Variants in FAM227A observed in about 807,000 individuals in gnomAD.
FAM227A encodes the protein family with sequence similarity 227 member A.
In FAM227A, 80 loss-of-function variants were observed where a neutral mutation model predicts 74.7. That is an observed-to-expected ratio of 1.07 (90% CI 0.89 to 1.29). The LOEUF is 1.29. FAM227A is among the 50% of genes most tolerant of loss of function. FAM227A has a pLI of 0.00. For synonymous variants in FAM227A, 237 were observed against 241.8 expected (o/e 0.98, Z 0.19); for missense variants, 654 against 683.4 (o/e 0.96, Z 0.48).
At chr22:38,652,164 A>G (rs901918090) in intron 1 of FAM227A, among the ~76,000 whole-genome samples, 11 of 151,516 alleles carry the variant, frequency 7.3e-5, no homozygotes, top group Middle Eastern at 3.4e-3. Context: ...CCAGCCTGAA[A>G]GACAGAGTAA....
intron 12 of FAM227A, 50 bp downstream of exon 12, chr22:38,607,339 A>C: frequency 7.3e-7 from 1 of 1,378,610 alleles, no homozygotes; most frequent in Non-Finnish European, 1.0e-6. Flanking sequence ...GGTTTTGGAG[A>C]CAATAACTAA....
intron 11 of FAM227A, among the ~76,000 whole-genome samples, chr22:38,613,107 A>ATATATAAT: frequency 1.1e-5 from 1 of 91,900 alleles, no homozygotes; most frequent in South Asian, 2.6e-4. Context: ...ATATATAATT[A>ATATATAAT]TATATATATT....
In FAM227A at chr22:38,580,165, C is replaced by A. The variant is rs1224579912; in HGVS notation, c.*5960G>T. On this transcript the variant is annotated 3_prime_UTR_variant, in exon 17 of 17. Coordinates refer to ENST00000535113, the MANE Select transcript of FAM227A (RefSeq NM_001013647.2). The stretch of plus-strand genomic sequence containing the variant: ...CACCTCCTGGGCTCTAGGGGTTCTT[C>A]CACCTTGGCCTCCTAAAGTGCTGGG... 3 of 152,280 alleles carry A rather than the reference C, an allele frequency of 2.0e-5. No homozygotes were observed. The highest frequency in any genetic ancestry group is 7.2e-5 in the African/African-American group (3 of 41,472). The allele number at this position is 152,280 out of a possible 1,614,324, so 9.4% of individuals were successfully genotyped here.
intron 11 of FAM227A, among the ~76,000 whole-genome samples, chr22:38,612,127 C>T (rs1178918153): frequency 6.6e-6 from 1 of 152,128 alleles, no homozygotes; most frequent in Non-Finnish European, 1.5e-5. Flanking sequence ...TAGACAAATA[C>T]GGAAGCCTCC....
intron 3 of FAM227A, among the ~76,000 whole-genome samples, chr22:38,641,214 A>AT (rs1258486155): frequency 6.6e-6 from 1 of 152,050 alleles, no homozygotes; most frequent in Non-Finnish European, 1.5e-5. Context: ...TACCTTTGAG[A>AT]TGACTTCAGG....
At chr22:38,609,834 C>T (rs999765872) in intron 11 of FAM227A, among the ~76,000 whole-genome samples, 3 of 151,382 alleles carry the variant, frequency 2.0e-5, no homozygotes, top group Non-Finnish European at 2.9e-5. Flanking sequence ...TGCAAGGGCG[C>T]GATCTCAGCT....
chr22:38,589,485 A>T (rs1484659484), intron 16 of FAM227A, among the ~76,000 whole-genome samples: 3 of 152,166 alleles, frequency 2.0e-5, no homozygotes, highest in Non-Finnish European at 4.4e-5. Flanking sequence ...AATGAAGGAA[A>T]TTTTCTAAGA....
rs182746837 is a variant in FAM227A, at chr22:38,578,269, C to T, written c.*7856G>A. ...CTATGACATTACGAAGGCTAAGAGTCGCTAGGTGATAGGAATTGTTTAGTT... is the reference window on the plus strand; with the variant it reads ...CTATGACATTACGAAGGCTAAGAGTTGCTAGGTGATAGGAATTGTTTAGTT... On this transcript the variant is annotated 3_prime_UTR_variant, in exon 17 of 17. Coordinates refer to ENST00000535113, the MANE Select transcript of FAM227A (RefSeq NM_001013647.2). The T allele has an allele frequency of 1.3e-5, 2 of 152,172 alleles. No homozygotes were observed. Among genetic ancestry groups the T allele is most frequent in the African/African-American group, 2.4e-5 (1 of 41,504 alleles). The allele number at this position is 152,172 out of a possible 1,614,324, so 9.4% of individuals were successfully genotyped here. A position where few individuals can be genotyped will look rare whatever the true frequency, so the allele number is the denominator to read the frequency against.
At chr22:38,615,443 C>T (rs896450859) in intron 11 of FAM227A, among the ~76,000 whole-genome samples, 1 of 152,200 alleles carries the variant, frequency 6.6e-6, no homozygotes, top group Admixed American at 6.5e-5. Flanking sequence ...CAGTCAGGGA[C>T]AGCTTCTCTA....
At chr22:38,625,128 G>A (rs1030872307) in intron 9 of FAM227A, among the ~76,000 whole-genome samples, 1 of 152,136 alleles carries the variant, frequency 6.6e-6, no homozygotes, top group Non-Finnish European at 1.5e-5. Context: ...GGTGGCTCAC[G>A]CCTGTAATCC....
chr22:38,653,680 T>G (rs1342844874), intron 1 of FAM227A: 1 of 152,234 alleles, frequency 6.6e-6, no homozygotes, highest in Non-Finnish European at 1.5e-5. Context: ...CGGCCTGTAA[T>G]GCTCTTGAAT....
intron 14 of FAM227A, 44 bp from the exon 15 acceptor site, chr22:38,597,400 T>G: frequency 6.5e-7 from 1 of 1,544,124 alleles, no homozygotes; most frequent in Non-Finnish European, 8.8e-7. Context: ...TGGAACTGTG[T>G]TGACGCTGCA....
intron 13 of FAM227A, among the ~76,000 whole-genome samples, chr22:38,601,483 G>A (rs909587771): frequency 6.6e-6 from 1 of 152,214 alleles, no homozygotes; most frequent in African/African-American, 2.4e-5. Context: ...TGTGGTCATG[G>A]TGAGGAGCTG....
At chr22:38,592,209 A>G (rs1045264347) in intron 15 of FAM227A, among the ~76,000 whole-genome samples, 1 of 152,090 alleles carries the variant, frequency 6.6e-6, no homozygotes, top group Non-Finnish European at 1.5e-5. Context: ...GGCCTCCCCA[A>G]GTGCTGGGAT....
rs557001098 is a variant in FAM227A at position 38,580,285 on chromosome 22, A to C, written c.*5840T>G. The C allele has an allele frequency of 6.6e-6, 1 of 152,022 alleles. No individual in the cohort carries two copies. The highest frequency in any genetic ancestry group is 1.5e-5 in the Non-Finnish European group (1 of 67,960). The allele number at this position is 152,022 out of a possible 1,614,324, so 9.4% of individuals were successfully genotyped here. A position where few individuals can be genotyped will look rare whatever the true frequency, so the allele number is the denominator to read the frequency against. ...CCCCTCTCTTTTTCCCTTGAAACTT[A>C]TTTGTTGAAAAAAATGAAGTCATTT... On this transcript the variant is annotated 3_prime_UTR_variant, in exon 17 of 17. Transcript: ENST00000535113.
intron 8 of FAM227A, among the ~76,000 whole-genome samples, chr22:38,626,833 A>G (rs2091811250): frequency 8.0e-6 from 1 of 124,354 alleles, no homozygotes; most frequent in South Asian, 3.0e-4. Context: ...GCGACCGTGC[A>G]CTCCAGCCTG....
chr22:38,598,238 C>T (rs2091092884), intron 14 of FAM227A, among the ~76,000 whole-genome samples: 1 of 152,070 alleles, frequency 6.6e-6, no homozygotes, highest in Admixed American at 6.6e-5. Flanking sequence ...TAATCATAAT[C>T]CTGGTAGTTA....
chr22:38,636,107 C>CAGAAAAGAAA (rs3042693), intron 6 of FAM227A, among the ~76,000 whole-genome samples: 5 of 149,232 alleles, frequency 3.4e-5, no homozygotes, highest in East Asian at 2.0e-4. Flanking sequence ...AAGAAGGAAA[C>CAGAAAAGAAA]AGAAAAGAAA....
At chr22:38,613,127 TATATATATA>T (rs2091463589) in intron 11 of FAM227A, among the ~76,000 whole-genome samples, 1 of 92,946 alleles carries the variant, frequency 1.1e-5, no homozygotes, top group African/African-American at 4.5e-5. Context: ...TATATATAAT[TATATATATA>T]ATATATATAT....
Sources: allele counts gnomAD v4.1 joint callset (sites outside exome capture counted in the v4.1 genomes callset), GRCh38; gene constraint gnomAD v4.1.1; transcripts MANE v1.5; gene names NCBI Gene and HGNC (gene_info 2026-07-23, HGNC 2026-07-21).